Variants in SLC41A2 observed in about 807,000 individuals in gnomAD.
SLC41A2 encodes solute carrier family 41 member 2, also known as SLC41A1-like 1.
A neutral mutation model predicts 58.3 loss-of-function variants in SLC41A2; 32 were observed. That is an observed-to-expected ratio of 0.55 (90% CI 0.41 to 0.74). The LOEUF (loss-of-function observed/expected upper bound fraction) is 0.74. SLC41A2 is among the 30% of genes least tolerant of loss of function. The pLI, the probability that SLC41A2 is intolerant of heterozygous loss-of-function variation, is 0.00. For missense variants in SLC41A2, 514 were observed against 680.6 expected (o/e 0.76, Z 2.72); for synonymous variants, 190 against 235.0 (o/e 0.81, Z 1.75).
intron 3 of SLC41A2, among the ~76,000 whole-genome samples, chr12:104,906,448 G>A (rs536155871): frequency 1.5e-4 from 23 of 152,264 alleles, no homozygotes; most frequent in African/African-American, 5.3e-4. Context: ...ATTACCAAAG[G>A]TGGGAAGGGA....
chr12:104,881,802 G>A (rs182950980), intron 6 of SLC41A2, among the ~76,000 whole-genome samples: 1 of 152,178 alleles, frequency 6.6e-6, no homozygotes, highest in Non-Finnish European at 1.5e-5. Flanking sequence ...TTGATTTGGG[G>A]TGGAGAGGTC....
chr12:104,814,297 A>T (rs1162423143), intron 10 of SLC41A2, among the ~76,000 whole-genome samples: 3 of 152,078 alleles, frequency 2.0e-5, no homozygotes, highest in African/African-American at 7.2e-5. Context: ...AGGTGGGAGG[A>T]TCCCTTGAGT....
intron 2 of SLC41A2, among the ~76,000 whole-genome samples, chr12:104,917,207 A>C (rs1031687380): frequency 6.8e-6 from 1 of 146,744 alleles, no homozygotes; most frequent in African/African-American, 2.6e-5. Context: ...TTATGCAGCC[A>C]AAAAACACGT....
At chr12:104,844,366 T>A (rs563028554) in intron 10 of SLC41A2, 106 bp downstream of exon 10, 1 of 709,144 alleles carries the variant, frequency 1.4e-6, no homozygotes, top group Non-Finnish European at 2.1e-6. Flanking sequence ...AGATGTTCAG[T>A]TGATTTTTGA....
intron 9 of SLC41A2, among the ~76,000 whole-genome samples, chr12:104,845,426 T>C (rs1239771398): frequency 3.9e-5 from 6 of 152,222 alleles, no homozygotes; most frequent in Non-Finnish European, 5.9e-5. Context: ...TGTTTTTTCA[T>C]AGCCACATAA....
intron 1 of SLC41A2, among the ~76,000 whole-genome samples, chr12:104,953,943 G>T (rs1161760129): frequency 5.9e-5 from 9 of 152,024 alleles, no homozygotes; most frequent in Admixed American, 5.9e-4. Context: ...GAAGGAAAAG[G>T]TTTCCACTTT....
intron 6 of SLC41A2, among the ~76,000 whole-genome samples, chr12:104,874,518 G>A (rs1221604075): frequency 6.6e-6 from 1 of 152,172 alleles, no homozygotes; most frequent in Non-Finnish European, 1.5e-5. Context: ...AGTTGTGTAA[G>A]ATAACTATCT....
Position 104,951,941 on chromosome 12 carries a change from T to C in SLC41A2, c.-168+6147A>G, listed in dbSNP as rs75044841. Among the ~76,000 whole-genome samples the C allele has an allele frequency of 3.4e-3, 522 of 152,084 alleles. 5 individuals are homozygous for C. Among genetic ancestry groups the C allele is most frequent in the Non-Finnish European group, 4.3e-3 (289 of 67,938 alleles). ...AAACAAAACAGAAATGATTTCTGGA[T>C]TGGCTGCTCCTGTGAGCAATCTGTG... On this transcript the variant is annotated intron_variant, in intron 1 of 10. Transcript: ENST00000258538.
intron 10 of SLC41A2, among the ~76,000 whole-genome samples, chr12:104,805,640 T>C (rs1009377174): frequency 1.3e-5 from 2 of 152,182 alleles, no homozygotes; most frequent in African/African-American, 2.4e-5. Flanking sequence ...AAAAGACTGT[T>C]TTTCTATGTG....
chr12:104,932,871 C>T (rs1009729910), intron 1 of SLC41A2, among the ~76,000 whole-genome samples: 1 of 151,918 alleles, frequency 6.6e-6, no homozygotes, highest in Non-Finnish European at 1.5e-5. Context: ...TCACCCTATA[C>T]AAAAATTAAC....
intron 8 of SLC41A2, among the ~76,000 whole-genome samples, chr12:104,857,234 G>A (rs983049910): frequency 2.0e-5 from 3 of 152,136 alleles, no homozygotes; most frequent in Non-Finnish European, 4.4e-5. Context: ...TAAATCAATG[G>A]TTCTCAAAGT....
intron 10 of SLC41A2, among the ~76,000 whole-genome samples, chr12:104,824,158 C>G (rs756778077): frequency 6.6e-6 from 1 of 151,766 alleles, no homozygotes; most frequent in Non-Finnish European, 1.5e-5. Context: ...CATGGACCTA[C>G]GTGAAGACAG....
At chr12:104,850,504 CA>C (rs1458587838) in intron 8 of SLC41A2, among the ~76,000 whole-genome samples, 1 of 152,178 alleles carries the variant, frequency 6.6e-6, no homozygotes, top group Admixed American at 6.5e-5. Flanking sequence ...GCATTCGCTG[CA>C]TTCTAATAAT....
chr12:104,944,220 G>T (rs2047623384), intron 1 of SLC41A2, among the ~76,000 whole-genome samples: 1 of 152,162 alleles, frequency 6.6e-6, no homozygotes, highest in Non-Finnish European at 1.5e-5. Flanking sequence ...CCAGAGAGAA[G>T]TAGCATTCTG....
In SLC41A2 at chr12:104,861,318, T is replaced by A; in HGVS notation, c.1228A>T (p.Ile410Phe). 1 of 1,613,170 alleles carries A rather than the reference T, an allele frequency of 6.2e-7. No homozygotes were observed. Among genetic ancestry groups the A allele is most frequent in the South Asian group, 1.1e-5 (1 of 91,048 alleles). ...TTVSDPNLVGIVVYTPVINGI... is the reference protein window; with the variant it reads ...TTVSDPNLVGFVVYTPVINGI... ...TTAATAACTGGCGTGTAAACAACAATCCCAACCAAGTTTGGGTCTGATACA... is the reference window on the plus strand; with the variant it reads ...TTAATAACTGGCGTGTAAACAACAAACCCAACCAAGTTTGGGTCTGATACA... Residue 410 changes from isoleucine to phenylalanine, a missense_variant, in exon 8 of 11, where the codon ATT becomes TTT. Transcript: ENST00000258538.
chr12:104,932,295 T>G (rs1310362601), intron 1 of SLC41A2, among the ~76,000 whole-genome samples: 2 of 152,138 alleles, frequency 1.3e-5, no homozygotes, highest in African/African-American at 4.8e-5. Context: ...AGAACAAATC[T>G]GGAGGCATCA....
At position 104,805,209 on chromosome 12, in the gene SLC41A2, G is replaced by A; in HGVS notation, c.1665C>T (p.Ala555=). 6.2e-7 allele frequency: 1 copy of A among 1,613,670 alleles called. No individual in the cohort carries two copies. The change falls in exon 11 of 11, where the codon GCC becomes GCT. Residue 555 remains alanine (A), a synonymous_variant. Transcript: ENST00000258538. Reference sequence around the variant, plus strand: ...TAAGCCAAAGAAAATGAAAACTTAAGGCTAACAGAGCTGTCCCGAGCAGAT... The same window carrying A: ...TAAGCCAAAGAAAATGAAAACTTAAAGCTAACAGAGCTGTCCCGAGCAGAT... ...LGDLLGTALL[A]LSFHFLWLIG...
chr12:104,807,999 T>C (rs971236051), intron 10 of SLC41A2, among the ~76,000 whole-genome samples: 1 of 152,240 alleles, frequency 6.6e-6, no homozygotes, highest in African/African-American at 2.4e-5. Context: ...TATACAATCA[T>C]GTCATCTGCA....
intron 1 of SLC41A2, among the ~76,000 whole-genome samples, chr12:104,934,667 T>C (rs2047193193): frequency 6.6e-6 from 1 of 152,238 alleles, no homozygotes. Flanking sequence ...AAATACAATG[T>C]GGTTTATAAA....
Sources: gnomAD v4.1 joint callset for allele counts (sites outside exome capture counted in the v4.1 genomes callset) on GRCh38, gnomAD v4.1.1 for gene constraint, MANE v1.5 for transcripts, NCBI Gene and HGNC (gene_info 2026-07-23, HGNC 2026-07-21) for gene names.